The following ADAM28 variants were observed in gnomAD, a reference collection of about 807,000 sequenced individuals.
ADAM28 encodes disintegrin and metalloproteinase domain-containing protein 28.
ADAM28 carries 105 observed loss-of-function variants against 101.2 expected under a neutral mutation model. The ratio of observed to expected loss-of-function variants is 1.04; its 90% confidence interval spans 0.89 to 1.22. ADAM28 has a LOEUF of 1.22. ADAM28 is among the 50% of genes most tolerant of loss of function. ADAM28 has a pLI of 0.00. For synonymous variants in ADAM28, 322 were observed against 310.6 expected, an observed-to-expected ratio of 1.04 and a Z score of -0.39; for missense variants, 1,028 against 945.4, an observed-to-expected ratio of 1.09 and a Z score of -1.15.
chr8:24,336,580 CAAAAAAAAAA>C (rs769016133), intron 14 of ADAM28, among the ~76,000 whole-genome samples: 21 of 61,642 alleles, frequency 3.4e-4, no homozygotes, highest in African/African-American at 8.8e-4. Context: ...ACTCCGTCTC[CAAAAAAAAAA>C]AAAAAAAAAG....
chr8:24,351,167 G>T, intron 19 of ADAM28, 65 bp from the exon 20 acceptor site: 1 of 1,311,776 alleles, frequency 7.6e-7, no homozygotes, highest in South Asian at 1.5e-5. Context: ...AATCTTCTAC[G>T]GAGTTTCCCT....
At chr8:24,303,947 G>A (rs1349271728) in intron 2 of ADAM28, among the ~76,000 whole-genome samples, 2 of 151,698 alleles carry the variant, frequency 1.3e-5, no homozygotes, top group Non-Finnish European at 2.9e-5. Flanking sequence ...GATTAATTGT[G>A]TCCTTGTGGA....
At chr8:24,309,526 C>T (rs1810156379) in intron 2 of ADAM28, among the ~76,000 whole-genome samples, 1 of 152,160 alleles carries the variant, frequency 6.6e-6, no homozygotes, top group African/African-American at 2.4e-5. Flanking sequence ...ACATAACTCA[C>T]CTCATTGTCT....
At chr8:24,321,853 C>G (rs1053702264) in intron 8 of ADAM28, among the ~76,000 whole-genome samples, 1 of 151,886 alleles carries the variant, frequency 6.6e-6, no homozygotes, top group Non-Finnish European at 1.5e-5. Flanking sequence ...TGACTATGTT[C>G]TTTAGACATG....
chr8:24,306,151 A>G (rs996361238), intron 2 of ADAM28, among the ~76,000 whole-genome samples: 1 of 151,526 alleles, frequency 6.6e-6, no homozygotes, highest in Non-Finnish European at 1.5e-5. Context: ...AGTCCGACCA[A>G]CATGGTGAAA....
intron 2 of ADAM28, among the ~76,000 whole-genome samples, chr8:24,301,164 G>A (rs567607869): frequency 1.4e-4 from 22 of 152,208 alleles, no homozygotes; most frequent in African/African-American, 4.3e-4. Flanking sequence ...CACTGGACAC[G>A]GTTTCCCATA....
chr8:24,353,557 G>A (rs553747701), intron 21 of ADAM28, among the ~76,000 whole-genome samples: 1 of 152,122 alleles, frequency 6.6e-6, no homozygotes. Context: ...GAAAAATATG[G>A]TGAGGAGAAA....
rs1810227692 is a variant in ADAM28, at chr8:24,309,968, CA to C, written c.227del (p.Lys76ArgfsTer52). On this transcript the variant is annotated frameshift_variant and splice_region_variant, in exon 3 of 23. Transcript: ENST00000265769. LOFTEE classifies it high-confidence loss of function. The stretch of plus-strand genomic sequence containing the variant: ...TTGCAGTGCTTTATTTGAAAAAAAA[CA>C]AGTAAGTATCTTTACCTGTGATATT... ...KIAVLYLKKN[K>X]NLLAPGYTET... 6.5e-7 allele frequency: 1 copy of C among 1,548,616 alleles called. No individual in the cohort carries two copies. Among genetic ancestry groups the C allele is most frequent in the South Asian group, 1.1e-5 (1 of 88,468 alleles).
chr8:24,310,163 G>T lies in ADAM28; in HGVS notation c.228G>T (p.Lys76Asn). ...AACATTTTTGTGTTTCTTTCTCCAG[G>T]AACCTCCTTGCACCAGGCTACACGG... ...KIAVLYLKKN[K>N]NLLAPGYTET... The change falls in exon 4 of 23, where the codon AAG (lysine) becomes AAT (asparagine). Residue 76 changes from lysine to asparagine, a missense_variant and splice_region_variant. Lys to Asn is a moderately conservative substitution (Grantham distance 94). Transcript: ENST00000265769. 1 of 1,613,136 alleles carries T rather than the reference G, an allele frequency of 6.2e-7. No homozygotes were observed. The highest frequency in any genetic ancestry group is 1.1e-5 in the South Asian group (1 of 91,050).
intron 18 of ADAM28, among the ~76,000 whole-genome samples, chr8:24,346,104 C>T (rs982096209): frequency 6.6e-6 from 1 of 151,956 alleles, no homozygotes; most frequent in Non-Finnish European, 1.5e-5. Context: ...TAGAGGATGA[C>T]AATTTTTACT....
rs753445663 is a variant in ADAM28 at position 24,294,207 on chromosome 8, G to T, written c.46+12G>T. The stretch of plus-strand genomic sequence containing the variant: ...CCTCTCTGTTGCAGGTACATATTTA[G>T]CTCTTTTTCAGGTTCTATTGAATGC... On this transcript the variant is annotated intron_variant, in intron 1 of 22. Transcript: ENST00000265769. The T allele has an allele frequency of 6.2e-7, 1 of 1,613,966 alleles. No individual in the cohort carries two copies. Among genetic ancestry groups the T allele is most frequent in the Non-Finnish European group, 8.5e-7 (1 of 1,179,892 alleles).
intron 1 of ADAM28, among the ~76,000 whole-genome samples, chr8:24,298,211 A>C (rs533966622): frequency 6.6e-6 from 1 of 152,302 alleles, no homozygotes; most frequent in Admixed American, 6.5e-5. Flanking sequence ...AAGGTATTCT[A>C]ATGTCAGTGC....
intron 15 of ADAM28, 135 bp from the exon 16 acceptor site, chr8:24,341,463 G>A: frequency 1.1e-6 from 1 of 876,950 alleles, no homozygotes; most frequent in Middle Eastern, 3.2e-4. Flanking sequence ...TGAGAAATAA[G>A]GGAAAATGAG....
chr8:24,329,206 C>T (rs946027535), intron 10 of ADAM28, among the ~76,000 whole-genome samples: 5 of 152,116 alleles, frequency 3.3e-5, no homozygotes, highest in Admixed American at 1.3e-4. Flanking sequence ...TAGGTATCAA[C>T]TTCCCAACTT....
At chr8:24,345,274 G>T (rs1191322799) in intron 18 of ADAM28, among the ~76,000 whole-genome samples, 1 of 151,712 alleles carries the variant, frequency 6.6e-6, no homozygotes, top group African/African-American at 2.4e-5. Context: ...GTTGTTCTAG[G>T]TTTTAAAATT....
chr8:24,341,043 G>T (rs533897438), intron 15 of ADAM28: 1 of 152,478 alleles, frequency 6.6e-6, no homozygotes, highest in South Asian at 2.1e-4. Context: ...TTATAGTGGA[G>T]ACTTGGGCTT....
At chr8:24,342,945 T>C in intron 16 of ADAM28, 156 bp from the exon 17 acceptor site, 2 of 1,370,590 alleles carry the variant, frequency 1.5e-6, no homozygotes, top group Non-Finnish European at 1.9e-6. Flanking sequence ...AAGAGGATAA[T>C]GTAAGCAACA....
In ADAM28 at chr8:24,294,129, G is replaced by C. The variant is rs777401908; in HGVS notation, c.-21G>C. The C allele has an allele frequency of 1.2e-6, 2 of 1,614,056 alleles. No individual in the cohort carries two copies. The highest frequency in any genetic ancestry group is 1.1e-5 in the South Asian group (1 of 91,084). ...CACCTGAGCGAGAAGAGCAGACACC[G>C]TGCTCCTGGAATCACCCAGCATGTT... On this transcript the variant is annotated 5_prime_UTR_variant, in exon 1 of 23. Transcript: ENST00000265769.
intron 9 of ADAM28, among the ~76,000 whole-genome samples, chr8:24,324,282 T>TA (rs1173501384): frequency 2.0e-5 from 3 of 151,892 alleles, no homozygotes; most frequent in Non-Finnish European, 4.4e-5. Flanking sequence ...ATTCAGTGTT[T>TA]AAAAAAACAA....
Sources: allele counts gnomAD v4.1 joint callset (sites outside exome capture counted in the v4.1 genomes callset), GRCh38; gene constraint gnomAD v4.1.1; transcripts MANE v1.5; gene names NCBI Gene and HGNC (gene_info 2026-07-23, HGNC 2026-07-21).